CDC42BPG: variants seen among roughly 807,000 people sequenced by gnomAD.
The protein encoded by CDC42BPG is serine/threonine-protein kinase MRCK gamma.
CDC42BPG carries 157 observed loss-of-function variants against 192.2 expected under a neutral mutation model. The observed-to-expected ratio is 0.82, with a 90% CI of 0.72 to 0.93. The LOEUF is 0.93. Ranked by LOEUF, CDC42BPG falls within the 40% of genes least tolerant of loss-of-function variation. The pLI, the probability that CDC42BPG is intolerant of heterozygous loss-of-function variation, is 0.00. For missense variants in CDC42BPG, 1,992 were observed against 2,122.1 expected (o/e 0.94, Z 1.20); for synonymous variants, 981 against 918.5 (o/e 1.07, Z -1.23).
rs922961975 is a variant in CDC42BPG, at chr11:64,830,203, G to A, written c.3358C>T (p.Arg1120Cys). ...TEEGLFVIHLRSNDIFQVGEC... is the reference protein window; with the variant it reads ...TEEGLFVIHLCSNDIFQVGEC... The stretch of plus-strand genomic sequence containing the variant: ...CAGCTTTGATAGGTACCGTTGCTGC[G>A]CAGATGGATGACAAAGAGCCCCTCC... Residue 1120 changes from arginine (R) to cysteine (C), a missense_variant, in exon 29 of 37, where the codon CGC becomes TGC. Arg to Cys is a radical substitution (Grantham distance 180). Coordinates refer to ENST00000342711, the MANE Select transcript of CDC42BPG (RefSeq NM_017525.3). 7 of 1,613,420 alleles carry A rather than the reference G, an allele frequency of 4.3e-6. No individual in the cohort carries two copies. The highest frequency in any genetic ancestry group is 4.5e-5 in the East Asian group (2 of 44,884).
intron 34 of CDC42BPG, 86 bp from the exon 35 acceptor site, chr11:64,826,880 A>G (rs1942447101): frequency 7.3e-7 from 1 of 1,373,874 alleles, no homozygotes; most frequent in African/African-American, 1.5e-5. Context: ...GGACAAATGA[A>G]CGCCACTGGG....
Position 64,833,936 on chromosome 11 carries a change from G to A in CDC42BPG, c.2455C>T (p.Arg819Trp), listed in dbSNP as rs765608758. The A allele has an allele frequency of 4.8e-5, 77 of 1,614,102 alleles. No individual in the cohort carries two copies. Among genetic ancestry groups the A allele is most frequent in the Admixed American group, 2.8e-4 (17 of 60,010 alleles). The change falls in exon 21 of 37, where the codon CGG (arginine) becomes TGG (tryptophan). Residue 819 changes from arginine to tryptophan, a missense_variant. Arg to Trp is a moderately radical substitution (Grantham distance 101). Transcript: ENST00000342711. Reference sequence around the variant, plus strand: ...GGCCTGGTCCTTACCTCTGAGCTCCGGAAGGACAGGAAGGGAATCAGGGAG... The same window carrying A: ...GGCCTGGTCCTTACCTCTGAGCTCCAGAAGGACAGGAAGGGAATCAGGGAG... ...SNSLIPFLSF[R>W]SSEKDSAKDP... is the part of the protein sequence containing the mutation.
intron 28 of CDC42BPG, among the ~76,000 whole-genome samples, chr11:64,831,205 G>A (rs540584664): frequency 1.1e-4 from 16 of 148,096 alleles, no homozygotes; most frequent in African/African-American, 3.5e-4. Context: ...GCGACCGAGC[G>A]AGACTCTGTC....
Position 64,827,090 on chromosome 11 carries a change from C to A in CDC42BPG, c.4349G>T (p.Gly1450Val), listed in dbSNP as rs148389267. 9.7e-5 allele frequency: 156 copies of A among 1,613,670 alleles called. No homozygotes were observed. The highest frequency in any genetic ancestry group is 1.2e-4 in the South Asian group (11 of 91,084). The change falls in exon 34 of 37, where the codon GGC becomes GTC. Residue 1450 changes from glycine to valine, a missense_variant. Gly to Val is a moderately radical substitution (Grantham distance 109). This residue lies in a region of CDC42BPG where 336 missense variants were observed against 277.9 expected (regional missense o/e 1.21). Coordinates refer to ENST00000342711, the MANE Select transcript of CDC42BPG (RefSeq NM_017525.3). ...GGCGCCGGGCCGCCCGTTGGCAGGGCCCACGTGTACTAGGTGGTTGAAGTT... is the reference window on the plus strand; with the variant it reads ...GGCGCCGGGCCGCCCGTTGGCAGGGACCACGTGTACTAGGTGGTTGAAGTT... ...PTNFNHLVHV[G>V]PANGRPGARD...
At chr11:64,838,964 G>A in intron 7 of CDC42BPG, 62 bp from the exon 8 acceptor site, 2 of 1,610,528 alleles carry the variant, frequency 1.2e-6, no homozygotes, top group Non-Finnish European at 1.7e-6. Flanking sequence ...TCACCTGCCG[G>A]TACTTCCAAC....
chr11:64,834,897 C>T lies in CDC42BPG; in HGVS notation c.2127G>A (p.Leu709=), dbSNP rs201908355. The change falls in exon 18 of 37, where the codon CTG becomes CTA. Residue 709 remains leucine (L), a synonymous_variant. Transcript: ENST00000342711. ...GGGTGCCTACGTTCCTCAAGGACTC[C>T]AGCTCCTCTGCCATCTTGGTGGCCA... ...QALATKMAEE[L]ESLRNVGTQT... is the part of the protein sequence containing the mutation. 51 of 1,614,104 alleles carry T rather than the reference C, an allele frequency of 3.2e-5. No individual in the cohort carries two copies. In the African/African-American group the frequency reaches 6.7e-4, roughly 21 times the overall value.
In CDC42BPG at chr11:64,823,214, G is replaced by C. The variant is rs1235307655; in HGVS notation, c.*1259C>G. Among the ~76,000 whole-genome samples, 1 of 151,730 alleles carries C rather than the reference G, an allele frequency of 6.6e-6. No homozygotes were observed. Among genetic ancestry groups the C allele is most frequent in the Admixed American group, 6.6e-5 (1 of 15,234 alleles). On this transcript the variant is annotated 3_prime_UTR_variant, in exon 37 of 37. Transcript: ENST00000342711. ...CCATTCTCCTGCCTCAGCCTCCCGA[G>C]TAGCAGGGACTACAGGCACCCGTCA...
intron 1 of CDC42BPG, among the ~76,000 whole-genome samples, chr11:64,843,766 C>A (rs1943383512): frequency 6.6e-6 from 1 of 152,194 alleles, no homozygotes; most frequent in African/African-American, 2.4e-5. Context: ...CCGGCCCCGG[C>A]GCCACAGCCC....
intron 5 of CDC42BPG, 96 bp downstream of exon 5, chr11:64,840,024 G>A (rs112438566): frequency 1.6e-6 from 2 of 1,244,564 alleles, no homozygotes. Flanking sequence ...CCTGGCACAT[G>A]ATGAGTGCTC....
chr11:64,836,623 C>T (rs1441164501), intron 11 of CDC42BPG, 93 bp from the exon 12 acceptor site: 1 of 1,311,732 alleles, frequency 7.6e-7, no homozygotes, highest in East Asian at 2.4e-5. Flanking sequence ...CACACGCGGG[C>T]TCAGAGAGTA....
In CDC42BPG at chr11:64,840,277, G is replaced by A; in HGVS notation, c.433-9C>T. 1.2e-6 allele frequency: 2 copies of A among 1,608,346 alleles called. No individual in the cohort carries two copies. Among genetic ancestry groups the A allele is most frequent in the Non-Finnish European group, 8.5e-7 (1 of 1,178,726 alleles). On this transcript the variant is annotated splice_polypyrimidine_tract_variant and intron_variant, in intron 4 of 36. Coordinates refer to ENST00000342711, the MANE Select transcript of CDC42BPG (RefSeq NM_017525.3). ...TAGTCCATCACAAGGTACTGGAGGT[G>A]GCGGACAAGAATCAGACCCGGGGGA... is the stretch of plus-strand genomic sequence containing the variant.
At chr11:64,827,474 G>A (rs1006695891) in intron 32 of CDC42BPG, 53 bp downstream of exon 32, 4 of 1,603,982 alleles carry the variant, frequency 2.5e-6, no homozygotes, top group Non-Finnish European at 2.6e-6. Context: ...GGGCCACACA[G>A]CCACACGTGC....
intron 23 of CDC42BPG, 121 bp downstream of exon 23, chr11:64,833,479 C>T (rs1942805250): frequency 9.4e-7 from 1 of 1,064,878 alleles, no homozygotes; most frequent in Non-Finnish European, 1.3e-6. Flanking sequence ...AGCTCATCGC[C>T]ACCACCTCCA....
intron 30 of CDC42BPG, 44 bp from the exon 31 acceptor site, chr11:64,827,827 C>G (rs775329629): frequency 1.3e-6 from 2 of 1,503,606 alleles, no homozygotes; most frequent in Admixed American, 3.7e-5. Context: ...CCCCTCTGTT[C>G]CACAGGGAAC....
At chr11:64,837,976 G>A (rs1943095919) in intron 9 of CDC42BPG, 107 bp downstream of exon 9, 5 of 923,770 alleles carry the variant, frequency 5.4e-6, no homozygotes, top group Non-Finnish European at 8.6e-6. Flanking sequence ...CAGATACTGG[G>A]GAGCCCTTCT....
At chr11:64,836,654 A>T in intron 11 of CDC42BPG, 85 bp downstream of exon 11, 2 of 1,041,834 alleles carry the variant, frequency 1.9e-6, no homozygotes, top group Admixed American at 4.9e-5. Context: ...TCCCAGGATC[A>T]TACAGCTTGT....
intron 33 of CDC42BPG, 35 bp from the exon 34 acceptor site, chr11:64,827,202 C>T: frequency 6.2e-7 from 1 of 1,613,586 alleles, no homozygotes. Context: ...GGTGGCGAAG[C>T]TCCACCCTCC....
intron 1 of CDC42BPG, among the ~76,000 whole-genome samples, chr11:64,843,654 T>G (rs1943378372): frequency 6.6e-6 from 1 of 152,156 alleles, no homozygotes; most frequent in Non-Finnish European, 1.5e-5. Flanking sequence ...CTGGCGCCAG[T>G]GCCCACAGTG....
At chr11:64,824,651 A>T in intron 36 of CDC42BPG, 122 bp from the exon 37 acceptor site, 1 of 648,666 alleles carries the variant, frequency 1.5e-6, no homozygotes, top group Non-Finnish European at 2.8e-6. Flanking sequence ...CCCCTGGAGG[A>T]AGCCAGATGT....
Sources: allele counts gnomAD v4.1 joint callset (sites outside exome capture counted in the v4.1 genomes callset), GRCh38; gene constraint gnomAD v4.1.1; regional missense constraint gnomAD v4.1.1; transcripts MANE v1.5; gene names NCBI Gene and HGNC (gene_info 2026-07-23, HGNC 2026-07-21).